The following MTMR9 variants were observed in gnomAD, a reference collection of about 807,000 sequenced individuals.
MTMR9 encodes myotubularin-related protein 9.
In MTMR9, 39 loss-of-function variants were observed where a neutral mutation model predicts 69.5. The ratio of observed to expected loss-of-function variants is 0.56; its 90% CI spans 0.43 to 0.73. The LOEUF is 0.73. Ranked by LOEUF, MTMR9 falls within the 30% of genes least tolerant of loss-of-function variation. The probability of loss-of-function intolerance (pLI) is 0.00; values close to 1 mark genes in which losing one functional copy is unlikely to be tolerated. For missense variants in MTMR9, 900 were observed against 671.2 expected (o/e 1.34, Z -3.77); for synonymous variants, 354 against 240.8 (o/e 1.47, Z -4.35).
intron 3 of MTMR9, 145 bp from the exon 4 acceptor site, chr8:11,304,696 T>G (rs145119393): frequency 1.2e-5 from 9 of 755,500 alleles, no homozygotes; most frequent in Admixed American, 2.6e-5. Context: ...GCTACTTACA[T>G]ATAAGCTAGA....
chr8:11,305,949 A>G (rs773226243), intron 4 of MTMR9, among the ~76,000 whole-genome samples: 50 of 152,250 alleles, frequency 3.3e-4, no homozygotes, highest in Non-Finnish European at 6.6e-4. Context: ...TAAAGAGGAG[A>G]TATAATTTAT....
chr8:11,334,615 AG>A, the MTMR9 span, among the ~76,000 whole-genome samples: 1 of 152,222 alleles, frequency 6.6e-6, no homozygotes, highest in Non-Finnish European at 1.5e-5. Context: ...GGGGCAAGAA[AG>A]TAACAAAACA....
At chr8:11,321,742 A>G (rs968756069) in intron 9 of MTMR9, 1 of 290,524 alleles carries the variant, frequency 3.4e-6, no homozygotes, top group Non-Finnish European at 6.9e-6. Flanking sequence ...AAATTCCTGA[A>G]TTAGAAAAAT....
Position 11,322,625 on chromosome 8 carries a change from G to C in MTMR9, c.1487G>C (p.Gly496Ala). Residue 496 changes from glycine to alanine, a missense_variant and splice_region_variant, in exon 10 of 10, where the codon GGT becomes GCT. Physicochemically the swap from Gly to Ala is moderately conservative, Grantham distance 60. Transcript: ENST00000221086. ...VAPQSLPLWE[G>A]IFLRWNRSSK... ...TGTTTTCCATTCCTGGATTCAATAG[G>C]TATTTTCCTACGTTGGAATAGATCC... 6.2e-7 allele frequency: 1 copy of C among 1,612,414 alleles called. No individual in the cohort carries two copies. The highest frequency in any genetic ancestry group is 8.5e-7 in the Non-Finnish European group (1 of 1,179,214).
chr8:11,331,126 A>G (rs777722762), downstream of MTMR9: 4 of 1,603,650 alleles, frequency 2.5e-6, no homozygotes, highest in East Asian at 6.7e-5. Context: ...AGTCACCCCT[A>G]CTTCAACCTG....
In MTMR9 at chr8:11,284,973, C is replaced by G; in HGVS notation, c.85C>G (p.Leu29Val). The G allele has an allele frequency of 1.2e-6, 2 of 1,613,994 alleles. No individual in the cohort carries two copies. Among genetic ancestry groups the G allele is most frequent in the Non-Finnish European group, 1.7e-6 (2 of 1,179,954 alleles). The change falls in exon 1 of 10, where the codon CTG becomes GTG. Residue 29 changes from leucine (L) to valine (V), a missense_variant. Coordinates refer to ENST00000221086, the MANE Select transcript of MTMR9 (RefSeq NM_015458.4). Reference sequence around the variant, plus strand: ...TTTCTACCCGGCTGTCGAGGGCACCCTGTGCCTGACGGGCCACCACTTGAT... The same window carrying G: ...TTTCTACCCGGCTGTCGAGGGCACCGTGTGCCTGACGGGCCACCACTTGAT... ...RPFYPAVEGT[L>V]CLTGHHLILS... is the part of the protein sequence containing the mutation.
In MTMR9 at chr8:11,322,669, G is replaced by C; in HGVS notation, c.1531G>C (p.Ala511Pro). ...WNRSSKYLDE[A>P]YEEMVNIIEY... The stretch of plus-strand genomic sequence containing the variant: ...TAGATCCTCTAAGTATTTGGATGAA[G>C]CATATGAAGAAATGGTTAACATCAT... The change falls in exon 10 of 10, where the codon GCA becomes CCA. Residue 511 changes from alanine (A) to proline (P), a missense_variant. Transcript: ENST00000221086. 6.2e-7 allele frequency: 1 copy of C among 1,613,768 alleles called. No homozygotes were observed. The highest frequency in any genetic ancestry group is 2.2e-5 in the East Asian group (1 of 44,876).
chr8:11,310,429 T>G (rs949175213), intron 6 of MTMR9, among the ~76,000 whole-genome samples: 4 of 152,224 alleles, frequency 2.6e-5, no homozygotes, highest in Non-Finnish European at 4.4e-5. Flanking sequence ...GACTTTAACT[T>G]GTTTTATTGA....
intron 5 of MTMR9, 58 bp from the exon 6 acceptor site, chr8:11,309,469 G>C: frequency 6.8e-7 from 1 of 1,476,036 alleles, no homozygotes; most frequent in South Asian, 1.3e-5. Flanking sequence ...CTTTGGTTTG[G>C]TTTCTTTATC....
At position 11,322,817 on chromosome 8, in the gene MTMR9, C is replaced by A. The variant is rs762380969; in HGVS notation, c.*29C>A. 17 of 1,591,706 alleles carry A rather than the reference C, an allele frequency of 1.1e-5. No homozygotes were observed. The African/African-American group carries it at 2.0e-4, about 19-fold the overall frequency. Reference sequence around the variant, plus strand: ...GTCTCCTCGCACCCTTCGCAAGGACCTTCTTGGGCCTGTGTCCGCCGTTCT... The same window carrying A: ...GTCTCCTCGCACCCTTCGCAAGGACATTCTTGGGCCTGTGTCCGCCGTTCT... On this transcript the variant is annotated 3_prime_UTR_variant, in exon 10 of 10. Coordinates refer to ENST00000221086, the MANE Select transcript of MTMR9 (RefSeq NM_015458.4).
chr8:11,287,558 A>T (rs942591624), intron 1 of MTMR9, among the ~76,000 whole-genome samples: 2 of 151,350 alleles, frequency 1.3e-5, no homozygotes, highest in Non-Finnish European at 2.9e-5. Context: ...CCTGTTTTCC[A>T]CGTGCATTGT....
At chr8:11,338,982 C>T in the MTMR9 span, among the ~76,000 whole-genome samples, 2 of 152,186 alleles carry the variant, frequency 1.3e-5, no homozygotes, top group African/African-American at 4.8e-5. Flanking sequence ...ACTCCTGATG[C>T]CACCATGACT....
intron 1 of MTMR9, among the ~76,000 whole-genome samples, chr8:11,293,089 G>A (rs73537137): frequency 0.017 from 2,657 of 152,262 alleles, 35 homozygotes; most frequent in South Asian, 0.043. Context: ...GGAAATGACA[G>A]GTTCATGTAT....
chr8:11,310,476 A>G (rs757497956), intron 6 of MTMR9, among the ~76,000 whole-genome samples: 10 of 152,146 alleles, frequency 6.6e-5, no homozygotes, highest in Non-Finnish European at 1.2e-4. Context: ...CTAATTTGTT[A>G]TGGTTATAGA....
the MTMR9 span, among the ~76,000 whole-genome samples, chr8:11,338,712 C>A: frequency 6.6e-6 from 1 of 152,074 alleles, no homozygotes; most frequent in Non-Finnish European, 1.5e-5. Context: ...TCAGCTGGCA[C>A]GATGAAAAAT....
intron 6 of MTMR9, among the ~76,000 whole-genome samples, chr8:11,310,115 T>C (rs1800137093): frequency 6.6e-6 from 1 of 152,264 alleles, no homozygotes; most frequent in Admixed American, 6.5e-5. Context: ...AATGATCCTT[T>C]CTAACCTCCG....
chr8:11,312,195 C>T (rs1259392169), intron 6 of MTMR9, among the ~76,000 whole-genome samples: 1 of 152,098 alleles, frequency 6.6e-6, no homozygotes, highest in Admixed American at 6.5e-5. Flanking sequence ...CAGGTGCACA[C>T]CACCACGGTC....
Position 11,292,816 on chromosome 8 carries a change from C to T in MTMR9, c.183-2378C>T, listed in dbSNP as rs139739176. Among the ~76,000 whole-genome samples the T allele has an allele frequency of 1.5e-4, 23 of 152,288 alleles. 1 individual carries two copies. The East Asian group carries it at 3.9e-3, about 26-fold the overall frequency. On this transcript the variant is annotated intron_variant, in intron 1 of 9. Coordinates refer to ENST00000221086, the MANE Select transcript of MTMR9 (RefSeq NM_015458.4). The stretch of plus-strand genomic sequence containing the variant: ...CTGAAAAGTTTCTCTTGCCCAGTGA[C>T]GTTGTGTTTGTGGTGATGCCAGTAT...
At position 11,308,867 on chromosome 8, in the gene MTMR9, A is replaced by G. The variant is rs559739581; in HGVS notation, c.810-660A>G. On this transcript the variant is annotated intron_variant, in intron 5 of 9. Transcript: ENST00000221086. ...GCCTGCAGGAGTCCCTTTCACTAGC[A>G]TTCTTTCTCTAAGCCAACCCTGTGG... 8.5e-4 allele frequency among the ~76,000 whole-genome samples: 130 copies of G among 152,300 alleles called. 1 individual carries two copies. The highest frequency in any genetic ancestry group is 3.0e-3 in the African/African-American group (123 of 41,582).
Sources: gnomAD v4.1 joint callset for allele counts (sites outside exome capture counted in the v4.1 genomes callset) on GRCh38, gnomAD v4.1.1 for gene constraint, MANE v1.5 for transcripts, NCBI Gene and HGNC (gene_info 2026-07-23, HGNC 2026-07-21) for gene names.